Variants in EYA4 observed in about 807,000 individuals in gnomAD.
EYA4 encodes the protein EYA transcriptional coactivator and phosphatase 4.
EYA4 carries 31 observed loss-of-function variants against 87.9 expected under a neutral mutation model. The ratio of observed to expected loss-of-function variants is 0.35; its 90% CI spans 0.27 to 0.48. The LOEUF is 0.48. Ranked by LOEUF, EYA4 falls within the 20% of genes least tolerant of loss-of-function variation. The pLI, the probability that EYA4 is intolerant of heterozygous loss-of-function variation, is 0.99. For synonymous variants in EYA4, 263 were observed against 270.6 expected (o/e 0.97, Z 0.28); for missense variants, 678 against 761.4 (o/e 0.89, Z 1.29).
At chr6:133,245,361 C>CT (rs1774321271) in intron 1 of EYA4, 1 of 152,144 alleles carries the variant, frequency 6.6e-6, no homozygotes, top group Admixed American at 6.6e-5. Context: ...ACACCTTCTT[C>CT]TTTTTTCAGT....
intron 2 of EYA4, among the ~76,000 whole-genome samples, chr6:133,350,884 C>T (rs1783589791): frequency 6.6e-6 from 1 of 151,866 alleles, no homozygotes; most frequent in Non-Finnish European, 1.5e-5. Context: ...TCACTAGATT[C>T]TTGAATATAT....
chr6:133,402,141 A>G (rs890990617), intron 3 of EYA4, among the ~76,000 whole-genome samples: 8 of 152,154 alleles, frequency 5.3e-5, no homozygotes, highest in African/African-American at 1.7e-4. Context: ...AAAAAGATCT[A>G]TATGATTCTA....
chr6:133,443,365 A>G (rs986819726), intron 3 of EYA4, among the ~76,000 whole-genome samples: 31 of 152,128 alleles, frequency 2.0e-4, no homozygotes, highest in African/African-American at 7.2e-4. Flanking sequence ...ATTTTAATAA[A>G]TGTGTCTTTC....
chr6:133,456,464 C>T (rs1370785651), intron 5 of EYA4, 92 bp from the exon 6 acceptor site: 3 of 901,644 alleles, frequency 3.3e-6, no homozygotes, highest in Admixed American at 3.4e-5. Flanking sequence ...TCTTGCATGC[C>T]CATGGTAGCT....
At chr6:133,305,827 T>C (rs1012448524) in intron 2 of EYA4, among the ~76,000 whole-genome samples, 1 of 152,200 alleles carries the variant, frequency 6.6e-6, no homozygotes, top group Non-Finnish European at 1.5e-5. Context: ...TTTTCAACTA[T>C]GTCCATTAGA....
rs1778257785 is a variant in EYA4 at position 133,288,649 on chromosome 6, T to G, written c.33+13836T>G. On this transcript the variant is annotated intron_variant, in intron 2 of 19. Transcript: ENST00000355286. The stretch of plus-strand genomic sequence containing the variant: ...GAACAGAACAGTATTTTCCTTGAGG[T>G]GATGCTTTTAAGGGGAGATGGTATC... Among the ~76,000 whole-genome samples the G allele has an allele frequency of 2.0e-5, 3 of 152,106 alleles. No homozygotes were observed. In the South Asian group the frequency reaches 6.2e-4, roughly 32 times the overall value.
At chr6:133,364,706 C>G (rs1784725452) in intron 2 of EYA4, among the ~76,000 whole-genome samples, 1 of 152,208 alleles carries the variant, frequency 6.6e-6, no homozygotes, top group Admixed American at 6.5e-5. Context: ...GCCAGTGGTG[C>G]ACCTTTTATT....
In EYA4 at chr6:133,468,746, C is replaced by G. The variant is rs375169460; in HGVS notation, c.970+15C>G. ...TAACCAACCAGGTACAGATCTTCAC[C>G]CAGGTGAAATACTTTTATATGTTTT... On this transcript the variant is annotated intron_variant, in intron 11 of 19. Transcript: ENST00000355286. The G allele has an allele frequency of 6.2e-7, 1 of 1,611,998 alleles. No homozygotes were observed. Among genetic ancestry groups the G allele is most frequent in the Non-Finnish European group, 8.5e-7 (1 of 1,178,516 alleles).
At chr6:133,443,221 A>G (rs1052069695) in intron 3 of EYA4, among the ~76,000 whole-genome samples, 2 of 151,968 alleles carry the variant, frequency 1.3e-5, no homozygotes, top group African/African-American at 4.8e-5. Context: ...TTTAAATAAC[A>G]GTAGCAAAAA....
At chr6:133,372,472 TAATATAA>T (rs4053071) in intron 2 of EYA4, among the ~76,000 whole-genome samples, 134,860 of 151,118 alleles carry the variant, frequency 0.89, 60,538 homozygotes, top group East Asian at 0.95. Context: ...AAGAGAGATT[TAATATAA>T]AATATAAAAC....
chr6:133,299,927 C>CTATATATATATA (rs1562263780), intron 2 of EYA4, among the ~76,000 whole-genome samples: 1 of 76,134 alleles, frequency 1.3e-5, no homozygotes, highest in African/African-American at 7.1e-5. Flanking sequence ...ATAAAGATCT[C>CTATATATATATA]TATCTATCTA....
In EYA4 at chr6:133,512,721, G is replaced by A; in HGVS notation, c.1282G>A (p.Glu428Lys). The stretch of plus-strand genomic sequence containing the variant: ...ATAACTTTTCCAATGTTTTTAACAG[G>A]AGTGTGATCAAGTTCATATAGATGA... ...DTHLFFNDLE[E>K]CDQVHIDDVS... Residue 428 changes from glutamate (E) to lysine (K), a missense_variant and splice_region_variant, in exon 15 of 20, where the codon GAG becomes AAG. Coordinates refer to ENST00000355286, the MANE Select transcript of EYA4 (RefSeq NM_004100.5). 6.2e-7 allele frequency: 1 copy of A among 1,608,692 alleles called. No individual in the cohort carries two copies. The highest frequency in any genetic ancestry group is 8.5e-7 in the Non-Finnish European group (1 of 1,175,056).
chr6:133,513,260 T>C (rs984113548), intron 16 of EYA4, among the ~76,000 whole-genome samples: 4 of 152,218 alleles, frequency 2.6e-5, no homozygotes, highest in African/African-American at 9.6e-5. Flanking sequence ...TGTAACCTTG[T>C]GCCCAGATGT....
At chr6:133,292,002 G>A (rs1174498184) in intron 2 of EYA4, among the ~76,000 whole-genome samples, 2 of 151,892 alleles carry the variant, frequency 1.3e-5, no homozygotes, top group African/African-American at 4.8e-5. Context: ...CAAAATTAAA[G>A]TACTTGCATA....
At chr6:133,518,643 A>G (rs1338980583) in intron 17 of EYA4, among the ~76,000 whole-genome samples, 2 of 152,162 alleles carry the variant, frequency 1.3e-5, no homozygotes, top group African/African-American at 4.8e-5. Flanking sequence ...CATTACTTGT[A>G]ATATTTAGAA....
intron 4 of EYA4, 84 bp from the exon 5 acceptor site, chr6:133,448,027 G>A (rs1793028748): frequency 4.6e-6 from 5 of 1,091,110 alleles, no homozygotes; most frequent in Non-Finnish European, 7.0e-6. Context: ...TAAAAGGTCA[G>A]AAACCAGTGC....
At chr6:133,462,108 G>C (rs574260591) in intron 7 of EYA4, 3 of 569,954 alleles carry the variant, frequency 5.3e-6, no homozygotes, top group Admixed American at 2.9e-5. Flanking sequence ...TTACAGGTGT[G>C]GTATAGACAT....
In EYA4 at chr6:133,305,785, A is replaced by G. The variant is rs117256414; in HGVS notation, c.33+30972A>G. On this transcript the variant is annotated intron_variant, in intron 2 of 19. Transcript: ENST00000355286. ...GGGGAAGTTGAAGGTATTCAGGACC[A>G]CAGAATTGGTAACTGGAAACCAGGT... 3.4e-3 allele frequency among the ~76,000 whole-genome samples: 522 copies of G among 152,306 alleles called. 2 individuals are homozygous for G. Among genetic ancestry groups the G allele is most frequent in the Middle Eastern group, 0.017 (5 of 294 alleles).
At chr6:133,435,319 T>C (rs1791554591) in intron 3 of EYA4, 1 of 152,318 alleles carries the variant, frequency 6.6e-6, no homozygotes, top group South Asian at 2.1e-4. Context: ...CAAGCACTCA[T>C]GCTGGCCTCA....
Sources: gnomAD v4.1 joint callset for allele counts (sites outside exome capture counted in the v4.1 genomes callset) on GRCh38, gnomAD v4.1.1 for gene constraint, MANE v1.5 for transcripts, NCBI Gene and HGNC (gene_info 2026-07-23, HGNC 2026-07-21) for gene names.